Variants in MYO3B observed in about 807,000 individuals in gnomAD.
MYO3B encodes myosin IIIB, also known as myosin-IIIb.
Under a neutral mutation model 174.6 loss-of-function variants are expected in MYO3B, and 156 were observed. The ratio of observed to expected loss-of-function variants is 0.89; its 90% CI spans 0.78 to 1.02. The LOEUF is 1.02. MYO3B is among the 50% of genes least tolerant of loss of function. The pLI is 0.00. For synonymous variants in MYO3B, 563 were observed against 569.1 expected (o/e 0.99, Z 0.15); for missense variants, 1,632 against 1,639.4 (o/e 1.00, Z 0.08).
chr2:170,408,874 C>A (rs910393941), intron 22 of MYO3B, among the ~76,000 whole-genome samples: 1 of 152,054 alleles, frequency 6.6e-6, no homozygotes, highest in Non-Finnish European at 1.5e-5. Context: ...TAGCAGTGCC[C>A]ATCAGAAGGC....
chr2:170,334,354 C>T (rs1356147881), intron 7 of MYO3B: 2 of 152,094 alleles, frequency 1.3e-5, no homozygotes, highest in Non-Finnish European at 2.9e-5. Context: ...TAATGGATAT[C>T]GAGGGGCAAA....
intron 30 of MYO3B, among the ~76,000 whole-genome samples, chr2:170,526,433 A>G (rs968139901): frequency 6.6e-6 from 1 of 152,214 alleles, no homozygotes; most frequent in African/African-American, 2.4e-5. Flanking sequence ...AGAATTGTAG[A>G]CTAAAATAAG....
intron 7 of MYO3B, among the ~76,000 whole-genome samples, chr2:170,270,663 T>G (rs2093418972): frequency 6.6e-6 from 1 of 152,158 alleles, no homozygotes; most frequent in African/African-American, 2.4e-5. Flanking sequence ...TGCCTGACAG[T>G]CACTGCTAGA....
At chr2:170,319,953 A>G (rs2093803509) in intron 7 of MYO3B, among the ~76,000 whole-genome samples, 1 of 152,182 alleles carries the variant, frequency 6.6e-6, no homozygotes, top group African/African-American at 2.4e-5. Context: ...AAGTTAAAAT[A>G]AAGGAAACCC....
At chr2:170,604,466 CTG>C (rs548841224) in intron 32 of MYO3B, among the ~76,000 whole-genome samples, 132 of 152,046 alleles carry the variant, frequency 8.7e-4, no homozygotes, top group African/African-American at 2.5e-3. Context: ...TCAATTAAAA[CTG>C]TTAATTAAAC....
intron 8 of MYO3B, among the ~76,000 whole-genome samples, chr2:170,360,130 G>T (rs2094150070): frequency 6.6e-6 from 1 of 152,096 alleles, no homozygotes; most frequent in Non-Finnish European, 1.5e-5. Flanking sequence ...CATGCACTGT[G>T]GAACAGATTG....
chr2:170,537,416 G>A (rs1462297966), intron 30 of MYO3B, among the ~76,000 whole-genome samples: 3 of 128,518 alleles, frequency 2.3e-5, no homozygotes, highest in Admixed American at 1.7e-4. Context: ...TTGGGAACAA[G>A]AAATTGACCT....
intron 32 of MYO3B, among the ~76,000 whole-genome samples, chr2:170,577,880 A>G (rs1235151270): frequency 6.6e-6 from 1 of 152,202 alleles, no homozygotes; most frequent in East Asian, 1.9e-4. Context: ...CTTAAACCTC[A>G]AGCATTTCCA....
chr2:170,203,583 T>C (rs1371728008), intron 3 of MYO3B, among the ~76,000 whole-genome samples: 2 of 152,122 alleles, frequency 1.3e-5, no homozygotes, highest in Middle Eastern at 3.2e-3. Context: ...ATTTTGCTTT[T>C]ATCCAAGGCC....
chr2:170,383,100 CG>C lies in MYO3B; in HGVS notation c.1097del (p.Arg366LeufsTer6), dbSNP rs1654972030. 6.2e-7 allele frequency: 1 copy of C among 1,612,262 alleles called. No homozygotes were observed. Among genetic ancestry groups the C allele is most frequent in the Non-Finnish European group, 8.5e-7 (1 of 1,178,610 alleles). On this transcript the variant is annotated frameshift_variant, in exon 11 of 35. Coordinates refer to ENST00000408978, the MANE Select transcript of MYO3B (RefSeq NM_138995.5). LOFTEE classifies it high-confidence loss of function. ...TACAATTATCCATCAGTTGCAGAAA[CG>C]TTATGCAGACTTGCTAATTTACACA... is the stretch of plus-strand genomic sequence containing the variant. ...EDTIIHQLQKRYADLLIYTYV... is the reference protein window; with the variant it reads ...EDTIIHQLQKXYADLLIYTYV...
intron 7 of MYO3B, among the ~76,000 whole-genome samples, chr2:170,253,830 C>T (rs137977228): frequency 1.3e-5 from 2 of 149,162 alleles, no homozygotes; most frequent in East Asian, 4.0e-4. Flanking sequence ...TGAGATTTCA[C>T]CACTGGATAT....
intron 5 of MYO3B, 74 bp downstream of exon 5, chr2:170,214,902 A>T: frequency 8.8e-7 from 1 of 1,136,350 alleles, no homozygotes; most frequent in Non-Finnish European, 1.3e-6. Context: ...GCAATCTCAG[A>T]AGACTGGGGC....
In MYO3B at chr2:170,286,542, A is replaced by G. The variant is rs147432175; in HGVS notation, c.750-48843A>G. 1.9e-3 allele frequency among the ~76,000 whole-genome samples: 284 copies of G among 152,208 alleles called. 1 individual carries two copies. Among genetic ancestry groups the G allele is most frequent in the African/African-American group, 6.2e-3 (257 of 41,552 alleles). On this transcript the variant is annotated intron_variant, in intron 7 of 34. Coordinates refer to ENST00000408978, the MANE Select transcript of MYO3B (RefSeq NM_138995.5). The stretch of plus-strand genomic sequence containing the variant: ...TTCCCCTTCCTTCTCAAAAATTATT[A>G]TGACTAATCTTGGCTTTTAATTTTT...
chr2:170,389,504 A>C (rs573303805), intron 14 of MYO3B, among the ~76,000 whole-genome samples: 2 of 152,352 alleles, frequency 1.3e-5, no homozygotes, highest in South Asian at 4.1e-4. Flanking sequence ...TTATTATCAT[A>C]ACAAAGCCTA....
chr2:170,519,774 A>T (rs1165246638), intron 30 of MYO3B: 1 of 392,044 alleles, frequency 2.6e-6, no homozygotes, highest in Admixed American at 3.9e-5. Flanking sequence ...GGAGTTTGAG[A>T]CTAGCCTGGC....
intron 22 of MYO3B, among the ~76,000 whole-genome samples, chr2:170,415,363 A>G (rs1049710454): frequency 1.3e-5 from 2 of 152,138 alleles, no homozygotes; most frequent in African/African-American, 4.8e-5. Flanking sequence ...CCTATTCAAC[A>G]TTTTATATCC....
rs34018697 is a variant in MYO3B, at chr2:170,216,889, G to GA, written c.527-419dup. ...GATATAGACAGGGATGTCCATTAGG[G>GA]AAAAAAAAAAATCCTAATGATTTAA... On this transcript the variant is annotated intron_variant, in intron 5 of 34. Transcript: ENST00000408978. Among the ~76,000 whole-genome samples the GA allele has an allele frequency of 1.7e-3, 252 of 150,282 alleles. 2 individuals are homozygous for GA. Among genetic ancestry groups the GA allele is most frequent in the African/African-American group, 4.4e-3 (180 of 41,200 alleles).
At chr2:170,306,378 G>A (rs936626684) in intron 7 of MYO3B, among the ~76,000 whole-genome samples, 2 of 152,204 alleles carry the variant, frequency 1.3e-5, no homozygotes, top group Admixed American at 6.5e-5. Context: ...GCATATGGCA[G>A]TTTCTAATGA....
chr2:170,404,306 G>T lies in MYO3B; in HGVS notation c.2337G>T (p.Pro779=). 6.2e-7 allele frequency: 1 copy of T among 1,613,646 alleles called. No homozygotes were observed. Among genetic ancestry groups the T allele is most frequent in the Admixed American group, 1.7e-5 (1 of 59,930 alleles). The change falls in exon 20 of 35, where the codon CCG becomes CCT. Residue 779 remains proline, a synonymous_variant. Coordinates refer to ENST00000408978, the MANE Select transcript of MYO3B (RefSeq NM_138995.5). Reference sequence around the variant, plus strand: ...CCGTGGAATATGAGGACAACCGCCCGCTCTTGGACATGTTCCTCCAGAAAC... The same window carrying T: ...CCGTGGAATATGAGGACAACCGCCCTCTCTTGGACATGTTCCTCCAGAAAC... ...AVPVEYEDNR[P]LLDMFLQKPL...
Sources: allele counts gnomAD v4.1 joint callset (sites outside exome capture counted in the v4.1 genomes callset), GRCh38; gene constraint gnomAD v4.1.1; transcripts MANE v1.5; gene names NCBI Gene and HGNC (gene_info 2026-07-23, HGNC 2026-07-21).